The following TENM4 variants were observed in gnomAD, a reference collection of about 807,000 sequenced individuals.
TENM4 encodes teneurin transmembrane protein 4.
TENM4 carries 82 observed loss-of-function variants against 243.3 expected under a neutral mutation model. That is an observed-to-expected ratio of 0.34 (90% CI 0.28 to 0.40). The LOEUF is 0.40. Ranked by LOEUF, TENM4 falls within the 10% of genes least tolerant of loss-of-function variation. The pLI, the probability that TENM4 is intolerant of heterozygous loss-of-function variation, is 1.00. For synonymous variants in TENM4, 1,412 were observed against 1,456.3 expected (o/e 0.97, Z 0.69); for missense variants, 3,138 against 3,673.3 (o/e 0.85, Z 3.77).
intron 4 of TENM4, among the ~76,000 whole-genome samples, chr11:79,148,208 C>T (rs1249656616): frequency 6.6e-6 from 1 of 152,062 alleles, no homozygotes; most frequent in African/African-American, 2.4e-5. Context: ...ATTGGAGGAA[C>T]AAATAACAAG....
intron 3 of TENM4, among the ~76,000 whole-genome samples, chr11:79,157,769 C>A (rs148239374): frequency 1.1e-3 from 160 of 152,316 alleles, no homozygotes; most frequent in Non-Finnish European, 2.0e-3. Context: ...CTACCATAAT[C>A]CTACTGTACT....
Position 79,131,185 on chromosome 11 carries a change from C to T in TENM4, c.-66+17525G>A, listed in dbSNP as rs1306389601. On this transcript the variant is annotated intron_variant, in intron 4 of 33. Transcript: ENST00000278550. ...CAAATACAAGAAATACAAAAAACAC[C>T]TGGAGAATTCATCGCAAAAAGATTG... 2.6e-5 allele frequency among the ~76,000 whole-genome samples: 4 copies of T among 152,132 alleles called. No individual in the cohort carries two copies. The South Asian group carries it at 8.3e-4, about 32-fold the overall frequency.
chr11:79,300,640 A>G (rs566506155), intron 1 of TENM4, among the ~76,000 whole-genome samples: 15 of 152,318 alleles, frequency 9.8e-5, no homozygotes, highest in African/African-American at 3.4e-4. Context: ...ATCTCTATTG[A>G]TGTGATAGGT....
intron 3 of TENM4, among the ~76,000 whole-genome samples, chr11:79,160,197 C>A (rs1053798337): frequency 1.3e-5 from 2 of 152,272 alleles, no homozygotes; most frequent in African/African-American, 4.8e-5. Context: ...AGAACACTCT[C>A]TTCCATTTTA....
intron 6 of TENM4, among the ~76,000 whole-genome samples, chr11:78,934,686 A>G (rs1412377897): frequency 1.3e-5 from 2 of 152,204 alleles, no homozygotes; most frequent in African/African-American, 4.8e-5. Context: ...CATTACCTAG[A>G]GCAAGCTCAC....
At chr11:79,314,646 A>C (rs925932637) in intron 1 of TENM4, among the ~76,000 whole-genome samples, 1 of 152,184 alleles carries the variant, frequency 6.6e-6, no homozygotes, top group Non-Finnish European at 1.5e-5. Flanking sequence ...TTAGTTACTT[A>C]TTTGTTAGAT....
chr11:79,116,994 GC>G (rs1861635829), intron 4 of TENM4, among the ~76,000 whole-genome samples: 1 of 152,068 alleles, frequency 6.6e-6, no homozygotes, highest in South Asian at 2.1e-4. Flanking sequence ...TATTCAAGTT[GC>G]CTGTGTCATT....
intron 1 of TENM4, among the ~76,000 whole-genome samples, chr11:79,307,002 A>G (rs1856636830): frequency 6.6e-6 from 1 of 152,216 alleles, no homozygotes; most frequent in African/African-American, 2.4e-5. Context: ...TCTTTGTAAA[A>G]GGATCTTTTA....
intron 1 of TENM4, among the ~76,000 whole-genome samples, chr11:79,384,541 T>C (rs474830): frequency 0.54 from 81,112 of 151,336 alleles, 21,640 homozygotes; most frequent in Non-Finnish European, 0.55. Flanking sequence ...TCACCTGCTG[T>C]ATGAACATGC....
chr11:78,711,970 G>T (rs573700546), intron 26 of TENM4, among the ~76,000 whole-genome samples: 1 of 152,276 alleles, frequency 6.6e-6, no homozygotes, highest in South Asian at 2.1e-4. Context: ...GCATTTAGAG[G>T]TTCAACTTTT....
At chr11:78,767,352 A>G (rs1382002195) in intron 18 of TENM4, among the ~76,000 whole-genome samples, 1 of 152,254 alleles carries the variant, frequency 6.6e-6, no homozygotes, top group East Asian at 1.9e-4. Context: ...CAAACTGTAA[A>G]GTGACATACA....
intron 2 of TENM4, among the ~76,000 whole-genome samples, chr11:79,235,040 G>A (rs571161184): frequency 2.4e-4 from 36 of 152,180 alleles, no homozygotes; most frequent in African/African-American, 7.9e-4. Flanking sequence ...CTGGCCAGGC[G>A]CGGTGACTCA....
intron 1 of TENM4, among the ~76,000 whole-genome samples, chr11:79,433,783 T>A (rs1269832528): frequency 6.6e-6 from 1 of 152,174 alleles, no homozygotes; most frequent in East Asian, 1.9e-4. Context: ...TGATTTGATG[T>A]TCAGAACATG....
chr11:79,067,574 C>G (rs905347643), intron 5 of TENM4, among the ~76,000 whole-genome samples: 6 of 150,588 alleles, frequency 4.0e-5, no homozygotes, highest in Non-Finnish European at 1.5e-5. Context: ...TTTAAGCAGC[C>G]AGACTCAGCA....
At chr11:79,082,880 T>G (rs1018562424) in intron 4 of TENM4, among the ~76,000 whole-genome samples, 4 of 152,170 alleles carry the variant, frequency 2.6e-5, no homozygotes, top group African/African-American at 9.7e-5. Flanking sequence ...CCATCTCTAA[T>G]AATTAAAGGC....
rs1857612695 is a variant in TENM4 at position 79,362,830 on chromosome 11, A to G, written c.-320-65287T>C. ...GGAGGATTAAATGAAATTAACATAG[A>G]CAAAATGCTTACAAATACGTAGCAG... On this transcript the variant is annotated intron_variant, in intron 1 of 33. Coordinates refer to ENST00000278550, the MANE Select transcript of TENM4 (RefSeq NM_001098816.3). Among the ~76,000 whole-genome samples the G allele has an allele frequency of 2.0e-5, 3 of 152,358 alleles. 1 individual carries two copies. In the Middle Eastern group the frequency reaches 0.01, roughly 518 times the overall value.
At chr11:79,277,483 G>T (rs1233765809) in intron 2 of TENM4, among the ~76,000 whole-genome samples, 1 of 152,150 alleles carries the variant, frequency 6.6e-6, no homozygotes, top group Non-Finnish European at 1.5e-5. Context: ...TCTAATCAAC[G>T]CAAAGATGGG....
chr11:79,121,462 G>C (rs1861743887), intron 4 of TENM4, among the ~76,000 whole-genome samples: 1 of 152,216 alleles, frequency 6.6e-6, no homozygotes, highest in Admixed American at 6.5e-5. Flanking sequence ...GACTCAGGCT[G>C]TACTGAAAAG....
At chr11:78,863,880 A>G (rs1591080657) in intron 9 of TENM4, among the ~76,000 whole-genome samples, 1 of 152,256 alleles carries the variant, frequency 6.6e-6, no homozygotes, top group East Asian at 1.9e-4. Context: ...TAAATGATGT[A>G]CATACAAGGT....
Sources: gnomAD v4.1 joint callset for allele counts (sites outside exome capture counted in the v4.1 genomes callset) on GRCh38, gnomAD v4.1.1 for gene constraint, MANE v1.5 for transcripts, NCBI Gene and HGNC (gene_info 2026-07-23, HGNC 2026-07-21) for gene names.